The following ESYT3 variants were observed in gnomAD, a reference collection of about 807,000 sequenced individuals.
ESYT3 encodes the protein extended synaptotagmin 3, also known as extended synaptotagmin-3.
A neutral mutation model predicts 111.5 loss-of-function variants in ESYT3; 101 were observed. The ratio of observed to expected loss-of-function variants is 0.91; its 90% CI spans 0.77 to 1.07. The LOEUF (loss-of-function observed/expected upper bound fraction) is 1.07. ESYT3 is among the 50% of genes least tolerant of loss of function. ESYT3 has a pLI of 0.00. For missense variants in ESYT3, 1,097 were observed against 1,109.4 expected, an observed-to-expected ratio of 0.99 and a Z score of 0.16; for synonymous variants, 416 against 446.8, an observed-to-expected ratio of 0.93 and a Z score of 0.87.
chr3:138,455,337 G>A lies in ESYT3; in HGVS notation c.504+9G>A, dbSNP rs2032210263. On this transcript the variant is annotated intron_variant, in intron 3 of 22. Transcript: ENST00000389567. Reference sequence around the variant, plus strand: ...TCTACTTTGGACAGAAGGTGGGTGTGTCTCGGGAGGGTCAGCCTGGACTGG... The same window carrying A: ...TCTACTTTGGACAGAAGGTGGGTGTATCTCGGGAGGGTCAGCCTGGACTGG... 1.2e-6 allele frequency: 2 copies of A among 1,613,834 alleles called. No individual in the cohort carries two copies. Among genetic ancestry groups the A allele is most frequent in the African/African-American group, 1.3e-5 (1 of 74,906 alleles).
rs887222585 is a variant in ESYT3, at chr3:138,474,333, G to C, written c.2449G>C (p.Glu817Gln). The C allele has an allele frequency of 6.3e-7, 1 of 1,598,468 alleles. No homozygotes were observed. The highest frequency in any genetic ancestry group is 8.5e-7 in the Non-Finnish European group (1 of 1,176,078). Residue 817 changes from glutamate to glutamine, a missense_variant, in exon 20 of 23, where the codon GAA (glutamate) becomes CAA (glutamine). Coordinates refer to ENST00000389567, the MANE Select transcript of ESYT3 (RefSeq NM_031913.5). ...KKTSVKRKTLEPLFDETFEFF... is the reference protein window; with the variant it reads ...KKTSVKRKTLQPLFDETFEFF... Reference sequence around the variant, plus strand: ...GACTTCAGTGAAGCGGAAGACCTTGGAACCCCTGTTTGATGAGACGTAAGT... The same window carrying C: ...GACTTCAGTGAAGCGGAAGACCTTGCAACCCCTGTTTGATGAGACGTAAGT...
Position 138,457,641 on chromosome 3 carries a change from TCTGGTGAG to T in ESYT3, c.581_581+7del. The T allele has an allele frequency of 6.2e-7, 1 of 1,614,096 alleles. No individual in the cohort carries two copies. The highest frequency in any genetic ancestry group is 1.7e-5 in the Admixed American group (1 of 60,024). ...AGACGTGTGACTGTGGACCTGCAGA[TCTGGTGAG>T]CTCTATCGGGCTGGGTATGGGCTTC... is the stretch of plus-strand genomic sequence containing the variant. On this transcript the variant is annotated splice_donor_variant and splice_donor_5th_base_variant and coding_sequence_variant and intron_variant, in exon 4 of 23. Coordinates refer to ENST00000389567, the MANE Select transcript of ESYT3 (RefSeq NM_031913.5). LOFTEE classifies it high-confidence loss of function.
rs1341631396 is a variant in ESYT3, at chr3:138,455,216, A to AGG, written c.392_393insGG (p.Tyr131Ter). 6.2e-7 allele frequency: 1 copy of AGG among 1,614,168 alleles called. No individual in the cohort carries two copies. Among genetic ancestry groups the AGG allele is most frequent in the South Asian group, 1.1e-5 (1 of 91,076 alleles). ...ANKIISQTWP[Y>*]LSMIMESKFR... ...CAGATCATCTCTCAGACCTGGCCCT[A>AGG]CCTAAGCATGATCATGGAAAGCAAG... The change falls in exon 3 of 23, where the codon TAC becomes TAGGC. Residue 131 changes from tyrosine to a stop codon, truncating the protein, a stop_gained and frameshift_variant. Transcript: ENST00000389567. LOFTEE classifies it high-confidence loss of function.
chr3:138,468,780 G>C (rs762764649), intron 13 of ESYT3, 39 bp from the exon 14 acceptor site: 3 of 1,613,862 alleles, frequency 1.9e-6, no homozygotes, highest in Non-Finnish European at 2.5e-6. Flanking sequence ...CTTTCAAATT[G>C]TCCTGTGTTG....
intron 17 of ESYT3, among the ~76,000 whole-genome samples, chr3:138,471,927 T>C (rs1177855748): frequency 1.3e-5 from 2 of 152,236 alleles, no homozygotes; most frequent in Admixed American, 1.3e-4. Context: ...ACACATGTTC[T>C]TGTCATCAGT....
intron 14 of ESYT3, 86 bp downstream of exon 14, chr3:138,468,967 C>CCA: frequency 7.3e-7 from 1 of 1,374,780 alleles, no homozygotes. Context: ...GTCTTCTGGG[C>CCA]CACAGTCTGT....
chr3:138,472,382 G>A lies in ESYT3; in HGVS notation c.1760G>A (p.Arg587Gln), dbSNP rs373793480. Reference protein sequence around the residue: ...LVLRFLQVEERELGSPYTGPE... With the variant: ...LVLRFLQVEEQELGSPYTGPE... ...TTGCAGTTCCTGCAAGTGGAGGAAC[G>A]AGAGCTGGGGAGCCCATACACAGGA... Residue 587 changes from arginine (R) to glutamine (Q), a missense_variant, in exon 18 of 23, where the codon CGA becomes CAA. Arg to Gln is a conservative substitution (Grantham distance 43, BLOSUM62 1). Transcript: ENST00000389567. The A allele has an allele frequency of 3.7e-6, 6 of 1,613,406 alleles. No homozygotes were observed. Among genetic ancestry groups the A allele is most frequent in the Non-Finnish European group, 4.2e-6 (5 of 1,179,814 alleles).
At chr3:138,451,932 A>C (rs1466109404) in intron 1 of ESYT3, 116 bp from the exon 2 acceptor site, 1 of 1,145,274 alleles carries the variant, frequency 8.7e-7, no homozygotes, top group Non-Finnish European at 1.3e-6. Context: ...GGCGGCGGGG[A>C]GGAAGGGTTG....
intron 1 of ESYT3, among the ~76,000 whole-genome samples, chr3:138,436,424 T>G (rs1474741266): frequency 6.6e-6 from 1 of 152,214 alleles, no homozygotes; most frequent in Non-Finnish European, 1.5e-5. Flanking sequence ...AATTACCACT[T>G]TAAAAACCCT....
rs941155548 is a variant in ESYT3, at chr3:138,462,144, C to T, written c.853C>T (p.Arg285Cys). 1.1e-5 allele frequency: 18 copies of T among 1,614,076 alleles called. No homozygotes were observed. The Middle Eastern group carries it at 6.6e-4, about 59-fold the overall frequency. The part of the protein sequence containing the change: ...LIATHLVLPN[R>C]VTVPVKKGLD... ...TGCCACCCACCTGGTGCTGCCCAACCGTGTGACTGTGCCTGTGAAGAAGGG... is the reference window on the plus strand; with the variant it reads ...TGCCACCCACCTGGTGCTGCCCAACTGTGTGACTGTGCCTGTGAAGAAGGG... Residue 285 changes from arginine (R) to cysteine (C), a missense_variant, in exon 8 of 23, where the codon CGT becomes TGT. Physicochemically the swap from Arg to Cys is radical, Grantham distance 180 (BLOSUM62 -3). Coordinates refer to ENST00000389567, the MANE Select transcript of ESYT3 (RefSeq NM_031913.5).
intron 4 of ESYT3, 48 bp from the exon 5 acceptor site, chr3:138,459,139 G>A (rs2032468691): frequency 2.1e-6 from 3 of 1,437,914 alleles, no homozygotes; most frequent in Admixed American, 4.3e-5. Flanking sequence ...TTCTGAGCAA[G>A]TGGACCTACC....
chr3:138,463,303 G>A (rs999691149), intron 8 of ESYT3, among the ~76,000 whole-genome samples: 1 of 151,796 alleles, frequency 6.6e-6, no homozygotes, highest in Non-Finnish European at 1.5e-5. Context: ...CCATGTTGGC[G>A]AGGCTGGTCT....
intron 14 of ESYT3, 101 bp from the exon 15 acceptor site, chr3:138,469,335 G>A (rs1003892863): frequency 1.7e-4 from 165 of 952,360 alleles, no homozygotes; most frequent in Non-Finnish European, 2.2e-4. Context: ...GTAACTGGGT[G>A]GCCCCAGTTC....
In ESYT3 at chr3:138,460,552, G is replaced by T. The variant is rs534379211; in HGVS notation, c.739-59G>T. On this transcript the variant is annotated intron_variant, in intron 6 of 22. Transcript: ENST00000389567. ...ATGGGTGTGAGGCTCTTGGCAGGGG[G>T]TTCTCAGCCCTGGGCTCCCAACCCT... 3 of 1,575,194 alleles carry T rather than the reference G, an allele frequency of 1.9e-6. No individual in the cohort carries two copies. In the African/African-American group the frequency reaches 4.0e-5, roughly 21 times the overall value.
chr3:138,479,247 C>G lies in ESYT3; in HGVS notation c.*2393C>G, dbSNP rs2033618540. On this transcript the variant is annotated 3_prime_UTR_variant, in exon 23 of 23. Coordinates refer to ENST00000389567, the MANE Select transcript of ESYT3 (RefSeq NM_031913.5). Reference sequence around the variant, plus strand: ...CATAAAATACATTGGCAAACCTAAGCAAGTTTTGATGATGATTGTTCACAA... The same window carrying G: ...CATAAAATACATTGGCAAACCTAAGGAAGTTTTGATGATGATTGTTCACAA... 1 of 152,140 alleles carries G rather than the reference C, an allele frequency of 6.6e-6. No individual in the cohort carries two copies. The highest frequency in any genetic ancestry group is 2.1e-4 in the South Asian group (1 of 4,832). 9.4% of individuals were successfully genotyped at this position (152,140 alleles called of 1,614,324 possible).
chr3:138,465,685 G>A (rs2032893234), intron 10 of ESYT3, among the ~76,000 whole-genome samples: 1 of 152,134 alleles, frequency 6.6e-6, no homozygotes, highest in East Asian at 1.9e-4. Context: ...TTTGCTTTCT[G>A]TCTTCCTGAT....
chr3:138,474,169 T>C, intron 19 of ESYT3, 52 bp from the exon 20 acceptor site: 2 of 1,584,564 alleles, frequency 1.3e-6, no homozygotes, highest in South Asian at 1.2e-5. Flanking sequence ...GTTCAGTGTT[T>C]GAAAACCAGG....
Position 138,454,940 on chromosome 3 carries a change from C to T in ESYT3, c.370-254C>T, listed in dbSNP as rs145336519. 2.9e-3 allele frequency among the ~76,000 whole-genome samples: 440 copies of T among 152,278 alleles called. 2 individuals are homozygous for T. Among genetic ancestry groups the T allele is most frequent in the Non-Finnish European group, 5.2e-3 (353 of 68,032 alleles). On this transcript the variant is annotated intron_variant, in intron 2 of 22. Transcript: ENST00000389567. ...TGAATGAGTATTTCTTGGTGCTCTG[C>T]GGAATAGCACCAAATCTTGGGGTCC...
intron 12 of ESYT3, 75 bp from the exon 13 acceptor site, chr3:138,468,580 G>A: frequency 6.7e-7 from 1 of 1,494,524 alleles, no homozygotes; most frequent in East Asian, 2.3e-5. Flanking sequence ...CTTCTGCCAT[G>A]AGTAGGCTTC....
Sources: gnomAD v4.1 joint callset for allele counts (sites outside exome capture counted in the v4.1 genomes callset) on GRCh38, gnomAD v4.1.1 for gene constraint, MANE v1.5 for transcripts, NCBI Gene and HGNC (gene_info 2026-07-23, HGNC 2026-07-21) for gene names.